AVEN: variants seen among roughly 807,000 people sequenced by gnomAD.
The protein encoded by AVEN is apoptosis and caspase activation inhibitor.
In AVEN, 41 loss-of-function variants were observed where a neutral mutation model predicts 38.1. The ratio of observed to expected loss-of-function variants is 1.08; its 90% CI spans 0.84 to 1.40. The LOEUF (loss-of-function observed/expected upper bound fraction) is 1.40. Among genes scored for constraint, AVEN ranks in the 40% most tolerant of loss-of-function variants. AVEN has a pLI of 0.00. For synonymous variants in AVEN, 206 were observed against 171.8 expected (o/e 1.20, Z -1.56); for missense variants, 605 against 438.8 (o/e 1.38, Z -3.38).
chr15:33,978,358 A>G (rs1597300084), intron 2 of AVEN, among the ~76,000 whole-genome samples: 1 of 152,290 alleles, frequency 6.6e-6, no homozygotes, highest in East Asian at 1.9e-4. Context: ...GAAATAAAAC[A>G]TCAAATGAAA....
At chr15:34,064,262 A>G in intron 4 of AVEN, 1 of 1,614,100 alleles carries the variant, frequency 6.2e-7, no homozygotes, top group Non-Finnish European at 8.5e-7. Flanking sequence ...GCCGATGGAA[A>G]AAGAAAAAAG....
intron 5 of AVEN, among the ~76,000 whole-genome samples, chr15:34,052,910 G>C (rs1200361457): frequency 6.6e-6 from 1 of 152,106 alleles, no homozygotes; most frequent in Non-Finnish European, 1.5e-5. Flanking sequence ...CATGAAAATA[G>C]TCATACTGCC....
At chr15:33,954,588 A>T (rs533532750) in intron 2 of AVEN, among the ~76,000 whole-genome samples, 8 of 146,386 alleles carry the variant, frequency 5.5e-5, no homozygotes, top group African/African-American at 2.0e-4. Flanking sequence ...CACTCATAGG[A>T]GGGAATTGAA....
chr15:33,964,735 C>T (rs1895322856), intron 2 of AVEN, among the ~76,000 whole-genome samples: 1 of 152,070 alleles, frequency 6.6e-6, no homozygotes, highest in Non-Finnish European at 1.5e-5. Context: ...ATAAATCACC[C>T]TTTATAAATT....
intron 1 of AVEN, among the ~76,000 whole-genome samples, chr15:34,021,664 G>C (rs1274332722): frequency 6.6e-6 from 1 of 152,050 alleles, no homozygotes; most frequent in Non-Finnish European, 1.5e-5. Flanking sequence ...AGACCAGCCT[G>C]GCTAAAATGG....
intron 2 of AVEN, among the ~76,000 whole-genome samples, chr15:34,068,139 T>C (rs1224952475): frequency 2.0e-5 from 3 of 150,432 alleles, no homozygotes; most frequent in Middle Eastern, 3.2e-3. Flanking sequence ...TGTGTGTGTG[T>C]GCACATTTTT....
intron 1 of AVEN, among the ~76,000 whole-genome samples, chr15:34,025,900 A>C (rs537359600): frequency 1.2e-3 from 189 of 152,318 alleles, no homozygotes; most frequent in African/African-American, 4.4e-3. Flanking sequence ...ATACCACATA[A>C]TCTCACCACC....
chr15:33,859,505 A>G, intron 11 of AVEN: 1 of 1,557,678 alleles, frequency 6.4e-7, no homozygotes, highest in Non-Finnish European at 8.8e-7. Context: ...AATCATATGA[A>G]TGATCTGAGC....
chr15:34,019,092 G>T (rs545107921), intron 1 of AVEN, among the ~76,000 whole-genome samples: 30 of 152,260 alleles, frequency 2.0e-4, no homozygotes, highest in African/African-American at 6.7e-4. Flanking sequence ...GCTAGACACA[G>T]AGTGCTGATT....
chr15:33,947,858 T>C (rs1268199175), intron 2 of AVEN, among the ~76,000 whole-genome samples: 3 of 152,268 alleles, frequency 2.0e-5, no homozygotes, highest in Non-Finnish European at 4.4e-5. Context: ...GAAACAAAAA[T>C]TATGGCTATG....
At chr15:33,958,852 G>T (rs1895062101) in intron 2 of AVEN, among the ~76,000 whole-genome samples, 1 of 152,048 alleles carries the variant, frequency 6.6e-6, no homozygotes, top group South Asian at 2.1e-4. Flanking sequence ...TGCCATAGGT[G>T]TGCTCGTGTC....
In AVEN at chr15:34,051,160, C is replaced by T. The variant is rs190439003; in HGVS notation, n.1637+11762G>A. 6.7e-4 allele frequency among the ~76,000 whole-genome samples: 102 copies of T among 152,198 alleles called. 1 individual carries two copies. The highest frequency in any genetic ancestry group is 5.8e-3 in the Admixed American group (89 of 15,284). On this transcript the variant is annotated intron_variant and non_coding_transcript_variant, in intron 5 of 11. Coordinates refer to the AVEN transcript ENST00000675287. ...ATAATAATAGTCTGTCAGACCACAG[C>T]GCAATCAAATTAGAACTCAAGATTA...
Position 33,912,384 on chromosome 15 carries a change from G to A in AVEN, c.446-36389C>T, listed in dbSNP as rs113523086. ...CAGTTATGGAACATTTAAACATGGA[G>A]ACAAGTTCTAAGAGGAAAGAGTATG... On this transcript the variant is annotated intron_variant, in intron 2 of 5. Coordinates refer to ENST00000306730, the MANE Select transcript of AVEN (RefSeq NM_020371.3). Among the ~76,000 whole-genome samples, 648 of 152,298 alleles carry A rather than the reference G, an allele frequency of 4.3e-3. 6 individuals carry two copies. The highest frequency in any genetic ancestry group is 0.015 in the African/African-American group (624 of 41,560).
chr15:33,931,401 T>C (rs1419585832), intron 2 of AVEN, among the ~76,000 whole-genome samples: 3 of 114,182 alleles, frequency 2.6e-5, no homozygotes, highest in African/African-American at 6.8e-5. Context: ...GACGGAGTCT[T>C]GCTCTGTCAC....
At chr15:33,999,622 C>T (rs1185620107) in intron 2 of AVEN, among the ~76,000 whole-genome samples, 3 of 152,162 alleles carry the variant, frequency 2.0e-5, no homozygotes, top group Non-Finnish European at 2.9e-5. Flanking sequence ...TTTGCAAGTG[C>T]TCTCTGCTCT....
At chr15:33,924,630 A>G (rs1023617720) in intron 2 of AVEN, among the ~76,000 whole-genome samples, 2 of 152,194 alleles carry the variant, frequency 1.3e-5, no homozygotes, top group Admixed American at 6.5e-5. Flanking sequence ...CCAGCACATC[A>G]TTTTAAACTG....
At chr15:33,996,187 G>T (rs58113983) in intron 2 of AVEN, among the ~76,000 whole-genome samples, 31,147 of 152,186 alleles carry the variant, frequency 0.2, 4,819 homozygotes, top group African/African-American at 0.43. Context: ...GAAGCTTGAA[G>T]TGGACAGAGC....
intron 2 of AVEN, among the ~76,000 whole-genome samples, chr15:33,954,676 A>C (rs749694253): frequency 5.2e-4 from 77 of 149,228 alleles, no homozygotes; most frequent in Non-Finnish European, 9.8e-4. Flanking sequence ...GGGGGAGGGA[A>C]TAGCATTAGG....
intron 2 of AVEN, among the ~76,000 whole-genome samples, chr15:33,964,481 T>C (rs1365185759): frequency 6.6e-6 from 1 of 152,092 alleles, no homozygotes; most frequent in African/African-American, 2.4e-5. Flanking sequence ...AAATGCAATC[T>C]TTTTTTCTCC....
Sources: gnomAD v4.1 joint callset for allele counts (sites outside exome capture counted in the v4.1 genomes callset) on GRCh38, gnomAD v4.1.1 for gene constraint, MANE v1.5 for transcripts, NCBI Gene and HGNC (gene_info 2026-07-23, HGNC 2026-07-21) for gene names.